The following LHPP variants were observed in gnomAD, a reference collection of about 807,000 sequenced individuals.
LHPP encodes phospholysine phosphohistidine inorganic pyrophosphate phosphatase.
A neutral mutation model predicts 30.3 loss-of-function variants in LHPP; 24 were observed. The ratio of observed to expected loss-of-function variants is 0.79; its 90% confidence interval spans 0.57 to 1.11. The LOEUF (loss-of-function observed/expected upper bound fraction) is 1.11. Ranked by LOEUF, LHPP falls within the 50% of genes most tolerant of loss-of-function variation. The probability of loss-of-function intolerance (pLI) is 0.00; values close to 1 mark genes in which losing one functional copy is unlikely to be tolerated. For synonymous variants in LHPP, 150 were observed against 157.1 expected (o/e 0.95, Z 0.34); for missense variants, 356 against 367.2 (o/e 0.97, Z 0.25).
intron 3 of LHPP, among the ~76,000 whole-genome samples, chr10:124,495,698 T>G (rs1953682992): frequency 6.6e-6 from 1 of 152,162 alleles, no homozygotes; most frequent in Non-Finnish European, 1.5e-5. Flanking sequence ...CAGGGCTGTG[T>G]TCATTTTTTC....
intron 1 of LHPP, among the ~76,000 whole-genome samples, chr10:124,474,058 T>C (rs930214571): frequency 5.3e-5 from 8 of 152,024 alleles, no homozygotes; most frequent in African/African-American, 1.9e-4. Context: ...GTTTTACTTA[T>C]TCCATATCTA....
rs1869661 is a variant in LHPP, at chr10:124,506,273, C to A, written c.624+8145C>A. ...CAAAAAAAACAACAAACCCCCCCCC[C>A]ACCCCGCGGTTTCTCAACCTCGACA... On this transcript the variant is annotated intron_variant, in intron 5 of 6. Coordinates refer to ENST00000368842, the MANE Select transcript of LHPP (RefSeq NM_022126.4). Among the ~76,000 whole-genome samples the A allele has an allele frequency of 1.4e-3, 177 of 125,222 alleles. 5 individuals carry two copies. In the East Asian group the frequency reaches 0.03, roughly 21 times the overall value. 82.2% of individuals were successfully genotyped at this position (125,222 alleles called of 152,430 possible).
chr10:124,579,240 G>A (rs535410525), intron 6 of LHPP, among the ~76,000 whole-genome samples: 21 of 152,370 alleles, frequency 1.4e-4, no homozygotes, highest in African/African-American at 2.4e-4. Context: ...CCACCGGGGC[G>A]CTGGCCAGTC....
intron 6 of LHPP, among the ~76,000 whole-genome samples, chr10:124,580,044 T>C (rs923310585): frequency 6.6e-6 from 1 of 152,250 alleles, no homozygotes; most frequent in African/African-American, 2.4e-5. Context: ...TTCAAATGTT[T>C]GATGACCTTG....
At chr10:124,554,888 G>C (rs1045254260) in intron 6 of LHPP, among the ~76,000 whole-genome samples, 11 of 152,248 alleles carry the variant, frequency 7.2e-5, no homozygotes, top group African/African-American at 2.7e-4. Flanking sequence ...ACAGGAGATT[G>C]TTCATAATTG....
At chr10:124,611,703 C>T (rs1412094524) in intron 6 of LHPP, among the ~76,000 whole-genome samples, 1 of 152,104 alleles carries the variant, frequency 6.6e-6, no homozygotes, top group African/African-American at 2.4e-5. Flanking sequence ...GGCTGAGAAC[C>T]CTTAAAAGAA....
chr10:124,484,971 G>A (rs2001516), intron 2 of LHPP, among the ~76,000 whole-genome samples: 68,232 of 151,988 alleles, frequency 0.45, 16,075 homozygotes, highest in East Asian at 0.61. Context: ...AGAGACATTA[G>A]CAATTCCAGA....
rs917878541 is a variant in LHPP, at chr10:124,596,711, G to T, written c.717-16553G>T. Among the ~76,000 whole-genome samples the T allele has an allele frequency of 6.6e-6, 1 of 152,192 alleles. No homozygotes were observed. The highest frequency in any genetic ancestry group is 2.4e-5 in the African/African-American group (1 of 41,452). ...CCATGAAGCTGGGTGGACGGGTGGG[G>T]AGGCCCGACTTTAAGGGACCTGCTT... On this transcript the variant is annotated intron_variant, in intron 6 of 6. Transcript: ENST00000368842. The surrounding 1 kb of genome is among the most constrained non-coding windows in gnomAD (Gnocchi z 4.6).
At chr10:124,611,958 T>C (rs898134193) in intron 6 of LHPP, among the ~76,000 whole-genome samples, 1 of 152,110 alleles carries the variant, frequency 6.6e-6, no homozygotes, top group Non-Finnish European at 1.5e-5. Context: ...TCGGTAGTGG[T>C]AGGTTTGCAG....
At chr10:124,527,804 G>C (rs1954782900) in intron 6 of LHPP, among the ~76,000 whole-genome samples, 1 of 151,346 alleles carries the variant, frequency 6.6e-6, no homozygotes, top group Non-Finnish European at 1.5e-5. Context: ...TTTTTGAGAT[G>C]CGGTCTTGTT....
At chr10:124,516,493 G>A (rs1954457910) in intron 5 of LHPP, among the ~76,000 whole-genome samples, 1 of 152,212 alleles carries the variant, frequency 6.6e-6, no homozygotes, top group South Asian at 2.1e-4. Context: ...AAGGCAGTAG[G>A]CTGGGGGCAG....
intron 2 of LHPP, among the ~76,000 whole-genome samples, chr10:124,485,987 G>A (rs531087456): frequency 3.3e-5 from 5 of 151,762 alleles, no homozygotes; most frequent in Non-Finnish European, 5.9e-5. Flanking sequence ...CCATCCCTCC[G>A]TCTGTCTATC....
At chr10:124,472,312 CAA>C (rs913872636) in intron 1 of LHPP, among the ~76,000 whole-genome samples, 2 of 151,780 alleles carry the variant, frequency 1.3e-5, no homozygotes, top group Non-Finnish European at 2.9e-5. Context: ...GACTCTGTCT[CAA>C]AAAAAATGTT....
chr10:124,579,350 G>A (rs1444661433), intron 6 of LHPP, among the ~76,000 whole-genome samples: 4 of 152,210 alleles, frequency 2.6e-5, no homozygotes, highest in African/African-American at 4.8e-5. Flanking sequence ...TCGCGGACAC[G>A]GCGCCAACAG....
chr10:124,596,827 G>T lies in LHPP; in HGVS notation c.717-16437G>T, dbSNP rs1324561151. Among the ~76,000 whole-genome samples, 2 of 152,220 alleles carry T rather than the reference G, an allele frequency of 1.3e-5. No individual in the cohort carries two copies. Among genetic ancestry groups the T allele is most frequent in the African/African-American group, 4.8e-5 (2 of 41,446 alleles). On this transcript the variant is annotated intron_variant, in intron 6 of 6. Coordinates refer to ENST00000368842, the MANE Select transcript of LHPP (RefSeq NM_022126.4). The surrounding 1 kb of genome is among the most constrained non-coding windows in gnomAD (Gnocchi z 4.6). ...TATGAGGTGTCAACCTGATTGGATTGAAGGATGCCTAGATGGCTGGTAAAG... is the reference window on the plus strand; with the variant it reads ...TATGAGGTGTCAACCTGATTGGATTTAAGGATGCCTAGATGGCTGGTAAAG...
intron 5 of LHPP, among the ~76,000 whole-genome samples, chr10:124,505,340 T>A (rs982429322): frequency 7.2e-5 from 11 of 152,248 alleles, no homozygotes; most frequent in African/African-American, 2.7e-4. Context: ...CTCTTGCTGC[T>A]GAATGCCAGG....
intron 6 of LHPP, among the ~76,000 whole-genome samples, chr10:124,533,160 C>T (rs1423751461): frequency 6.6e-6 from 1 of 152,172 alleles, no homozygotes; most frequent in Non-Finnish European, 1.5e-5. Context: ...AGCCTGGCCT[C>T]TGCAGGCATC....
intron 1 of LHPP, among the ~76,000 whole-genome samples, chr10:124,470,223 C>G (rs1427037195): frequency 6.6e-6 from 1 of 152,182 alleles, no homozygotes; most frequent in Non-Finnish European, 1.5e-5. Context: ...TGGGAGGCAT[C>G]TGCATGTGAA....
At chr10:124,484,957 A>T (rs1251533582) in intron 2 of LHPP, among the ~76,000 whole-genome samples, 1 of 152,160 alleles carries the variant, frequency 6.6e-6, no homozygotes, top group African/African-American at 2.4e-5. Context: ...AATATTTAAA[A>T]AGAAGAGACA....
Sources: gnomAD v4.1 joint callset for allele counts (sites outside exome capture counted in the v4.1 genomes callset) on GRCh38, gnomAD v4.1.1 for gene constraint, Gnocchi (gnomAD v3.1) non-coding constraint, MANE v1.5 for transcripts, NCBI Gene and HGNC (gene_info 2026-07-23, HGNC 2026-07-21) for gene names.